The following KIAA1671 variants were observed in gnomAD, a reference collection of about 807,000 sequenced individuals.
The protein encoded by KIAA1671 is KIAA1671.
In KIAA1671, 52 loss-of-function variants were observed where a neutral mutation model predicts 131.2. That is an observed-to-expected ratio of 0.40 (90% confidence interval 0.32 to 0.50). The LOEUF (loss-of-function observed/expected upper bound fraction) is 0.50. Among genes scored for constraint, KIAA1671 ranks in the 20% least tolerant of loss-of-function variants. The probability of loss-of-function intolerance (pLI) is 0.73; values close to 1 mark genes in which losing one functional copy is unlikely to be tolerated. For synonymous variants in KIAA1671, 1,003 were observed against 961.6 expected (o/e 1.04, Z -0.80); for missense variants, 2,360 against 2,364.2 (o/e 1.00, Z 0.04).
intron 1 of KIAA1671, chr22:25,011,882 C>A (rs1301964247): frequency 6.6e-6 from 1 of 152,210 alleles, no homozygotes; most frequent in Non-Finnish European, 1.5e-5. Flanking sequence ...AGTGATCTGA[C>A]CACCTTGGCC....
chr22:25,053,060 C>T (rs896806673), intron 6 of KIAA1671: 14 of 152,068 alleles, frequency 9.2e-5, no homozygotes, highest in Non-Finnish European at 1.5e-4. Flanking sequence ...TTTTTCTATG[C>T]TCTCCCAAAG....
At chr22:25,107,858 A>G (rs1931102449) in intron 6 of KIAA1671, among the ~76,000 whole-genome samples, 1 of 152,090 alleles carries the variant, frequency 6.6e-6, no homozygotes, top group Non-Finnish European at 1.5e-5. Context: ...AAATACAAAA[A>G]TTAGCCAGGC....
rs1186603516 is a variant in KIAA1671, at chr22:25,039,934, G to A, written c.2804G>A (p.Arg935Gln). 45 of 1,551,508 alleles carry A rather than the reference G, an allele frequency of 2.9e-5. No homozygotes were observed. The highest frequency in any genetic ancestry group is 3.6e-5 in the Non-Finnish European group (41 of 1,146,972). Residue 935 changes from arginine to glutamine, a missense_variant, in exon 5 of 13, where the codon CGG becomes CAG. Physicochemically the swap from Arg to Gln is conservative, Grantham distance 43. Transcript: ENST00000358431. Reference protein sequence around the residue: ...AQVPQPAVRMRKAGAMDQRMD... With the variant: ...AQVPQPAVRMQKAGAMDQRMD... Reference sequence around the variant, plus strand: ...GTGCCACAGCCTGCAGTCAGAATGCGGAAAGCCGGCGCCATGGACCAGAGA... The same window carrying A: ...GTGCCACAGCCTGCAGTCAGAATGCAGAAAGCCGGCGCCATGGACCAGAGA...
At chr22:25,047,699 C>G (rs979314725) in intron 5 of KIAA1671, among the ~76,000 whole-genome samples, 1 of 152,248 alleles carries the variant, frequency 6.6e-6, no homozygotes, top group Non-Finnish European at 1.5e-5. Flanking sequence ...TCTCAAACTC[C>G]TGACCTCAGG....
chr22:24,960,227 A>G (rs570924888), intron 1 of KIAA1671, among the ~76,000 whole-genome samples: 11 of 152,068 alleles, frequency 7.2e-5, no homozygotes, highest in African/African-American at 2.2e-4. Context: ...TTCCCATTTC[A>G]GAATGTGTTG....
chr22:25,109,210 A>G (rs1931203003), intron 6 of KIAA1671, among the ~76,000 whole-genome samples: 1 of 151,874 alleles, frequency 6.6e-6, no homozygotes, highest in Non-Finnish European at 1.5e-5. Context: ...CTCGGGTTCA[A>G]GCGATTCTCC....
At chr22:25,162,003 A>AAACTCAGGTTC (rs1933459346) in intron 6 of KIAA1671, among the ~76,000 whole-genome samples, 1 of 152,150 alleles carries the variant, frequency 6.6e-6, no homozygotes, top group East Asian at 1.9e-4. Context: ...GGTGCCAGGC[A>AAACTCAGGTTC]AACTCAGGTT....
intron 6 of KIAA1671, among the ~76,000 whole-genome samples, chr22:25,078,390 A>G (rs912204787): frequency 1.3e-5 from 2 of 152,212 alleles, no homozygotes; most frequent in South Asian, 2.1e-4. Context: ...ATAGCCAAGT[A>G]TAATGGTGTA....
At chr22:25,177,586 C>A in intron 9 of KIAA1671, 64 bp downstream of exon 9, 1 of 1,398,504 alleles carries the variant, frequency 7.2e-7, no homozygotes, top group South Asian at 1.5e-5. Context: ...TTAGACTAAG[C>A]CCTATGAAAA....
chr22:25,045,585 T>A (rs1927177715), intron 5 of KIAA1671, among the ~76,000 whole-genome samples: 1 of 152,182 alleles, frequency 6.6e-6, no homozygotes, highest in South Asian at 2.1e-4. Context: ...ATAGAAAATC[T>A]TGTGGCTTAC....
At chr22:25,094,270 C>G (rs1288355095) in intron 6 of KIAA1671, among the ~76,000 whole-genome samples, 1 of 152,148 alleles carries the variant, frequency 6.6e-6, no homozygotes, top group African/African-American at 2.4e-5. Context: ...GCTTGGAGCC[C>G]TCCAGAGCTC....
intron 1 of KIAA1671, among the ~76,000 whole-genome samples, chr22:24,979,576 C>T (rs1212810203): frequency 6.7e-6 from 1 of 148,874 alleles, no homozygotes; most frequent in African/African-American, 2.5e-5. Flanking sequence ...GTCTCGATCT[C>T]CTGACCTTGT....
intron 1 of KIAA1671, among the ~76,000 whole-genome samples, chr22:24,991,063 A>G (rs1309334005): frequency 3.9e-5 from 6 of 152,066 alleles, no homozygotes; most frequent in Non-Finnish European, 8.8e-5. Context: ...TCCGTTGTCC[A>G]GGCTGGAGTG....
At chr22:25,113,543 T>G (rs1339352712) in intron 6 of KIAA1671, among the ~76,000 whole-genome samples, 1 of 152,000 alleles carries the variant, frequency 6.6e-6, no homozygotes, top group Non-Finnish European at 1.5e-5. Context: ...CTCCCTACAC[T>G]CGAGGTGGCA....
At chr22:25,178,044 G>T (rs1260289748) in intron 9 of KIAA1671, among the ~76,000 whole-genome samples, 1 of 152,174 alleles carries the variant, frequency 6.6e-6, no homozygotes, top group Non-Finnish European at 1.5e-5. Flanking sequence ...CCTGGCTCTG[G>T]GTCCTAAGAG....
Position 25,170,209 on chromosome 22 carries a change from G to A in KIAA1671, c.4531-611G>A, listed in dbSNP as rs932028186. 9.9e-5 allele frequency among the ~76,000 whole-genome samples: 15 copies of A among 152,190 alleles called. No homozygotes were observed. The East Asian group carries it at 2.5e-3, about 25-fold the overall frequency. On this transcript the variant is annotated intron_variant, in intron 6 of 12. Coordinates refer to ENST00000358431, the MANE Select transcript of KIAA1671 (RefSeq NM_001145206.2). The stretch of plus-strand genomic sequence containing the variant: ...ATTACAAGAGTGAGCCACCATGCCC[G>A]GCCGTAATTTCATGTTTTTAAGCCT...
At chr22:25,165,557 T>C (rs1933616787) in intron 6 of KIAA1671, among the ~76,000 whole-genome samples, 1 of 152,180 alleles carries the variant, frequency 6.6e-6, no homozygotes, top group South Asian at 2.1e-4. Context: ...TCTTGAAATA[T>C]GGCTAGTGCC....
At chr22:25,151,393 T>C (rs575743978) in intron 6 of KIAA1671, among the ~76,000 whole-genome samples, 11 of 148,450 alleles carry the variant, frequency 7.4e-5, no homozygotes, top group South Asian at 6.3e-4. Context: ...TATAGACAGA[T>C]CAACAAAGTC....
intron 1 of KIAA1671, among the ~76,000 whole-genome samples, chr22:24,992,651 C>A (rs1323021986): frequency 6.6e-6 from 1 of 151,744 alleles, no homozygotes; most frequent in Non-Finnish European, 1.5e-5. Flanking sequence ...CCCCTCTCTA[C>A]TAAAAATACA....
Sources: gnomAD v4.1 joint callset for allele counts (sites outside exome capture counted in the v4.1 genomes callset) on GRCh38, gnomAD v4.1.1 for gene constraint, MANE v1.5 for transcripts, NCBI Gene and HGNC (gene_info 2026-07-23, HGNC 2026-07-21) for gene names.